Variants in GRIK2 observed in about 807,000 individuals in gnomAD.
GRIK2 encodes the protein glutamate receptor ionotropic, kainate 2.
GRIK2 carries 32 observed loss-of-function variants against 100.3 expected under a neutral mutation model. The ratio of observed to expected loss-of-function variants is 0.32; its 90% confidence interval spans 0.24 to 0.43. The LOEUF (loss-of-function observed/expected upper bound fraction) is 0.43, where lower values mean the gene tolerates loss of function less well. Ranked by LOEUF, GRIK2 falls within the 20% of genes least tolerant of loss-of-function variation. The probability of loss-of-function intolerance (pLI) is 1.00; values close to 1 mark genes in which losing one functional copy is unlikely to be tolerated. For missense variants in GRIK2, 843 were observed against 1,114.9 expected (o/e 0.76, Z 3.47); for synonymous variants, 417 against 389.4 (o/e 1.07, Z -0.83).
chr6:101,894,008 A>C (rs1295470893), intron 12 of GRIK2, among the ~76,000 whole-genome samples: 1 of 151,562 alleles, frequency 6.6e-6, no homozygotes, highest in Non-Finnish European at 1.5e-5. Context: ...GAAACATACA[A>C]CTAGAAAGGA....
intron 5 of GRIK2, among the ~76,000 whole-genome samples, chr6:101,680,534 T>C (rs2128341613): frequency 6.6e-6 from 1 of 152,332 alleles, no homozygotes; most frequent in Non-Finnish European, 1.5e-5. Context: ...GACTGACTTC[T>C]AGGGTTTTTA....
At chr6:102,037,305 T>C (rs1459526000) in intron 15 of GRIK2, among the ~76,000 whole-genome samples, 2 of 151,348 alleles carry the variant, frequency 1.3e-5, no homozygotes, top group Non-Finnish European at 1.5e-5. Context: ...TGTCCAATTT[T>C]ATTTCCAGGT....
chr6:101,720,710 C>T (rs1774419160), intron 7 of GRIK2, among the ~76,000 whole-genome samples: 1 of 151,090 alleles, frequency 6.6e-6, no homozygotes, highest in African/African-American at 2.4e-5. Flanking sequence ...TACAGTAAAA[C>T]AAATTTAAAA....
At chr6:101,607,490 T>C (rs907504224) in intron 2 of GRIK2, among the ~76,000 whole-genome samples, 1 of 151,992 alleles carries the variant, frequency 6.6e-6, no homozygotes, top group African/African-American at 2.4e-5. Context: ...TGCTGAAACG[T>C]GTTATTCTTT....
At chr6:101,465,824 A>G (rs1771615556) in intron 2 of GRIK2, among the ~76,000 whole-genome samples, 2 of 152,250 alleles carry the variant, frequency 1.3e-5, no homozygotes, top group Non-Finnish European at 2.9e-5. Flanking sequence ...CAGTCAGGTC[A>G]AGTACTTAGC....
chr6:101,515,061 C>T (rs562067528), intron 2 of GRIK2, among the ~76,000 whole-genome samples: 65 of 152,154 alleles, frequency 4.3e-4, no homozygotes, highest in East Asian at 2.3e-3. Flanking sequence ...CCACTCTTCC[C>T]GCCAAGTCCC....
At chr6:101,659,460 G>T (rs1441819492) in intron 4 of GRIK2, among the ~76,000 whole-genome samples, 1 of 152,068 alleles carries the variant, frequency 6.6e-6, no homozygotes, top group Non-Finnish European at 1.5e-5. Context: ...CATCAGCTTT[G>T]TTCTTTTTGC....
At chr6:101,877,804 T>C (rs1785961210) in intron 11 of GRIK2, among the ~76,000 whole-genome samples, 1 of 151,846 alleles carries the variant, frequency 6.6e-6, no homozygotes, top group Admixed American at 6.6e-5. Flanking sequence ...CTTAATACAT[T>C]TTCATTCTAT....
At chr6:101,592,783 A>G (rs1778735310) in intron 2 of GRIK2, among the ~76,000 whole-genome samples, 1 of 151,220 alleles carries the variant, frequency 6.6e-6, no homozygotes, top group African/African-American at 2.4e-5. Flanking sequence ...GGAAGATTAA[A>G]ACACTTAATT....
chr6:101,497,922 T>C (rs1277278388), intron 2 of GRIK2, among the ~76,000 whole-genome samples: 1 of 151,898 alleles, frequency 6.6e-6, no homozygotes, highest in Non-Finnish European at 1.5e-5. Context: ...AATGTGCAGG[T>C]TAGTTACATA....
intron 14 of GRIK2, among the ~76,000 whole-genome samples, chr6:102,031,448 T>TTA (rs1554194524): frequency 4.9e-4 from 39 of 78,944 alleles, no homozygotes; most frequent in African/African-American, 3.9e-3. Flanking sequence ...TACTTATTTA[T>TTA]TTTTATTTTA....
chr6:101,682,738 C>T lies in GRIK2; in HGVS notation c.777+132C>T, dbSNP rs1771369896. On this transcript the variant is annotated intron_variant, in intron 6 of 16. Coordinates refer to ENST00000369134, the MANE Select transcript of GRIK2 (RefSeq NM_021956.5). ...TATATTTTAATTTGATAAGACTCCA[C>T]CAAAATTATTATCAGAGAGGACAAC... 3.7e-5 allele frequency: 18 copies of T among 492,694 alleles called. No homozygotes were observed. In the South Asian group the frequency reaches 6.8e-4, roughly 19 times the overall value. 30.5% of individuals were successfully genotyped at this position (492,694 alleles called of 1,614,324 possible).
In GRIK2 at chr6:101,988,150, C is replaced by T. The variant is rs1185379434; in HGVS notation, c.2086-47191C>T. ...GTGTGTGTGCGCGCGCGCGCGCGCGCGCGCGTGCGCGCACATGCAAGAGCA... is the reference window on the plus strand; with the variant it reads ...GTGTGTGTGCGCGCGCGCGCGCGCGTGCGCGTGCGCGCACATGCAAGAGCA... On this transcript the variant is annotated intron_variant, in intron 14 of 16. Coordinates refer to ENST00000369134, the MANE Select transcript of GRIK2 (RefSeq NM_021956.5). Among the ~76,000 whole-genome samples, 27 of 8,436 alleles carry T rather than the reference C, an allele frequency of 3.2e-3. 1 individual carries two copies. The highest frequency in any genetic ancestry group is 0.091 in the Middle Eastern group (2 of 22). The allele number at this position is 8,436 out of a possible 152,430, so 5.5% of individuals were successfully genotyped here.
intron 2 of GRIK2, among the ~76,000 whole-genome samples, chr6:101,511,892 A>G (rs1319465659): frequency 6.6e-6 from 1 of 152,014 alleles, no homozygotes; most frequent in East Asian, 1.9e-4. Context: ...TTATAGAACA[A>G]TTATTGGTAT....
chr6:102,060,405 C>T (rs900947620), intron 16 of GRIK2, among the ~76,000 whole-genome samples: 10 of 150,516 alleles, frequency 6.6e-5, no homozygotes, highest in East Asian at 1.9e-4. Flanking sequence ...AGTTTAAACA[C>T]GCAAGACTAG....
intron 10 of GRIK2, among the ~76,000 whole-genome samples, chr6:101,835,144 G>A (rs912649949): frequency 6.6e-6 from 1 of 152,136 alleles, no homozygotes; most frequent in African/African-American, 2.4e-5. Context: ...GCCTGGTGAA[G>A]TGACTGAAAC....
intron 2 of GRIK2, among the ~76,000 whole-genome samples, chr6:101,533,441 A>G (rs1050085592): frequency 6.6e-6 from 1 of 151,914 alleles, no homozygotes; most frequent in African/African-American, 2.4e-5. Flanking sequence ...AAATCAGTTA[A>G]CTTGTGGGCT....
chr6:101,485,239 A>G (rs1172077303), intron 2 of GRIK2, among the ~76,000 whole-genome samples: 1 of 152,188 alleles, frequency 6.6e-6, no homozygotes, highest in African/African-American at 2.4e-5. Context: ...TTTATAGATG[A>G]GAATATTTAA....
intron 7 of GRIK2, among the ~76,000 whole-genome samples, chr6:101,688,924 AAT>A (rs1199942463): frequency 6.6e-6 from 1 of 152,006 alleles, no homozygotes; most frequent in African/African-American, 2.4e-5. Flanking sequence ...ATTTTAAAAA[AAT>A]ACATAAAATA....
Sources: allele counts gnomAD v4.1 joint callset (sites outside exome capture counted in the v4.1 genomes callset), GRCh38; gene constraint gnomAD v4.1.1; transcripts MANE v1.5; gene names NCBI Gene and HGNC (gene_info 2026-07-23, HGNC 2026-07-21).